ITGA9: variants seen among roughly 807,000 people sequenced by gnomAD.
ITGA9 encodes the protein integrin alpha-9.
In ITGA9, 56 loss-of-function variants were observed where a neutral mutation model predicts 127.8. That is an observed-to-expected ratio of 0.44 (90% CI 0.35 to 0.55). The LOEUF (loss-of-function observed/expected upper bound fraction) is 0.55, where lower values mean the gene tolerates loss of function less well. Among genes scored for constraint, ITGA9 ranks in the 20% least tolerant of loss-of-function variants. ITGA9 has a pLI of 0.00. For missense variants in ITGA9, 1,196 were observed against 1,347.1 expected, an observed-to-expected ratio of 0.89 and a Z score of 1.76; for synonymous variants, 508 against 514.5, an observed-to-expected ratio of 0.99 and a Z score of 0.17.
chr3:37,484,724 C>T (rs750955916), intron 4 of ITGA9, among the ~76,000 whole-genome samples: 5 of 152,068 alleles, frequency 3.3e-5, no homozygotes, highest in Non-Finnish European at 7.4e-5. Flanking sequence ...CACAGACTGC[C>T]GGAGTTCAAG....
Position 37,692,123 on chromosome 3 carries a change from C to T in ITGA9, c.2067+8108C>T, listed in dbSNP as rs374563369. On this transcript the variant is annotated intron_variant, in intron 18 of 27. Coordinates refer to ENST00000264741, the MANE Select transcript of ITGA9 (RefSeq NM_002207.3). Reference sequence around the variant, plus strand: ...CTTTCTCTATAAAGTGGGATTGTGCCAAGGATTAAATGAGTCCTACACCAT... The same window carrying T: ...CTTTCTCTATAAAGTGGGATTGTGCTAAGGATTAAATGAGTCCTACACCAT... Among the ~76,000 whole-genome samples the T allele has an allele frequency of 9.2e-5, 14 of 152,086 alleles. No individual in the cohort carries two copies. In the East Asian group the frequency reaches 2.3e-3, roughly 25 times the overall value.
chr3:37,653,706 T>C lies in ITGA9; in HGVS notation c.1840-8T>C, dbSNP rs1418775076. 4 of 1,610,332 alleles carry C rather than the reference T, an allele frequency of 2.5e-6. No homozygotes were observed. The South Asian group carries it at 4.4e-5, about 18-fold the overall frequency. ...TGCCCTAACCTTCCTCTCCTGTCTT[T>C]CTCACAGACTGTTTTTGAAAGGAAT... On this transcript the variant is annotated splice_region_variant and splice_polypyrimidine_tract_variant and intron_variant, in intron 16 of 27. Transcript: ENST00000264741.
chr3:37,676,548 G>A lies in ITGA9; in HGVS notation c.1917-7317G>A, dbSNP rs112478450. Among the ~76,000 whole-genome samples the A allele has an allele frequency of 2.0e-3, 298 of 152,296 alleles. 2 individuals carry two copies. Among genetic ancestry groups the A allele is most frequent in the African/African-American group, 6.9e-3 (287 of 41,554 alleles). On this transcript the variant is annotated intron_variant, in intron 17 of 27. Coordinates refer to ENST00000264741, the MANE Select transcript of ITGA9 (RefSeq NM_002207.3). The stretch of plus-strand genomic sequence containing the variant: ...AAAAAGCCCTCTGACAAAGAGATGG[G>A]GATACTGACTAGATAGAACTGCAGT...
At chr3:37,759,557 A>G (rs1195258669) in intron 23 of ITGA9, among the ~76,000 whole-genome samples, 1 of 152,230 alleles carries the variant, frequency 6.6e-6, no homozygotes, top group African/African-American at 2.4e-5. Flanking sequence ...AAATAAATGA[A>G]TAATAAAATA....
intron 9 of ITGA9, 110 bp downstream of exon 9, chr3:37,514,010 A>G (rs868814393): frequency 1.5e-6 from 2 of 1,294,978 alleles, no homozygotes. Flanking sequence ...TGTTACCCAG[A>G]GGAGATGAAA....
intron 26 of ITGA9, among the ~76,000 whole-genome samples, chr3:37,793,580 G>C (rs1331941165): frequency 6.6e-6 from 1 of 152,048 alleles, no homozygotes; most frequent in Non-Finnish European, 1.5e-5. Context: ...GGAAGATCAG[G>C]CATTCAAGAT....
At position 37,741,795 on chromosome 3, in the gene ITGA9, A is replaced by G. The variant is rs759473387; in HGVS notation, c.2300A>G (p.His767Arg). ...CTCGTGCTGATGGTGCCACTGATGC[A>G]CGAGGTGGACACGTCCATCACCGGG... ...NTLVLMVPLM[H>R]EVDTSITGIM... is the part of the protein sequence containing the mutation. Residue 767 changes from histidine (H) to arginine (R), a missense_variant, in exon 21 of 28, where the codon CAC (histidine) becomes CGC (arginine). Coordinates refer to ENST00000264741, the MANE Select transcript of ITGA9 (RefSeq NM_002207.3). 1 of 1,613,700 alleles carries G rather than the reference A, an allele frequency of 6.2e-7. No homozygotes were observed. The highest frequency in any genetic ancestry group is 8.5e-7 in the Non-Finnish European group (1 of 1,179,830).
intron 25 of ITGA9, among the ~76,000 whole-genome samples, chr3:37,784,283 G>A (rs572175529): frequency 2.0e-4 from 30 of 152,152 alleles, no homozygotes; most frequent in Admixed American, 3.3e-4. Flanking sequence ...CTGTTTTGGC[G>A]CCATTTTCTG....
chr3:37,612,045 G>A (rs1384298377), intron 15 of ITGA9, among the ~76,000 whole-genome samples: 4 of 152,054 alleles, frequency 2.6e-5, no homozygotes, highest in Admixed American at 1.3e-4. Context: ...GTCATAAAAT[G>A]TAATGGATGA....
At chr3:37,556,838 C>T (rs1699435844) in intron 15 of ITGA9, among the ~76,000 whole-genome samples, 1 of 152,218 alleles carries the variant, frequency 6.6e-6, no homozygotes, top group African/African-American at 2.4e-5. Context: ...AGCGAGTGCT[C>T]CTCATCAACA....
chr3:37,522,603 G>T (rs560947509), intron 11 of ITGA9, among the ~76,000 whole-genome samples: 1 of 152,106 alleles, frequency 6.6e-6, no homozygotes, highest in Admixed American at 6.5e-5. Context: ...CATGCCTATA[G>T]TCCCAGCTAC....
At chr3:37,454,700 C>G (rs539230175) in intron 1 of ITGA9, among the ~76,000 whole-genome samples, 62 of 152,332 alleles carry the variant, frequency 4.1e-4, no homozygotes, top group Admixed American at 1.4e-3. Flanking sequence ...CTCCCTCACC[C>G]ACCATATTGA....
chr3:37,697,784 T>C (rs1700901123), intron 18 of ITGA9, among the ~76,000 whole-genome samples: 1 of 152,214 alleles, frequency 6.6e-6, no homozygotes, highest in Non-Finnish European at 1.5e-5. Flanking sequence ...GAAATAGTGC[T>C]GCAATAAACA....
chr3:37,485,561 G>T lies in ITGA9; in HGVS notation c.544+3954G>T, dbSNP rs1360304699. Among the ~76,000 whole-genome samples, 4 of 152,136 alleles carry T rather than the reference G, an allele frequency of 2.6e-5. No homozygotes were observed. The East Asian group carries it at 7.7e-4, about 29-fold the overall frequency. ...AAAGTGCTCAGCAAGGCCACCCATT[G>T]TTCTATAACTGTGGCCTCATGGTAA... On this transcript the variant is annotated intron_variant, in intron 4 of 27. Transcript: ENST00000264741.
chr3:37,653,313 G>C (rs1700446211), intron 16 of ITGA9, among the ~76,000 whole-genome samples: 1 of 152,162 alleles, frequency 6.6e-6, no homozygotes, highest in Non-Finnish European at 1.5e-5. Flanking sequence ...GAGCAAATAG[G>C]GGGAAATGAC....
chr3:37,610,313 A>G (rs560682889), intron 15 of ITGA9, among the ~76,000 whole-genome samples: 6 of 152,336 alleles, frequency 3.9e-5, no homozygotes, highest in Non-Finnish European at 8.8e-5. Context: ...ATTAAAACTC[A>G]TAGTTCATGT....
intron 11 of ITGA9, among the ~76,000 whole-genome samples, 165 bp from the exon 12 acceptor site, chr3:37,523,356 C>G (rs1699062781): frequency 6.6e-6 from 1 of 151,906 alleles, no homozygotes; most frequent in Non-Finnish European, 1.5e-5. Flanking sequence ...GTGTGGCCTT[C>G]AACTGCCTGC....
chr3:37,716,420 G>A lies in ITGA9; in HGVS notation c.2068-16292G>A, dbSNP rs146462936. ...ATTTTCAAAGGGAGAAAAAGAATGA[G>A]CAAAACTATCCTGTAGAGGAGAGAG... On this transcript the variant is annotated intron_variant, in intron 18 of 27. Coordinates refer to ENST00000264741, the MANE Select transcript of ITGA9 (RefSeq NM_002207.3). Among the ~76,000 whole-genome samples, 21 of 151,788 alleles carry A rather than the reference G, an allele frequency of 1.4e-4. No homozygotes were observed. In the East Asian group the frequency reaches 2.5e-3, roughly 18 times the overall value.
chr3:37,726,511 C>G (rs926138423), intron 18 of ITGA9, among the ~76,000 whole-genome samples: 1 of 152,192 alleles, frequency 6.6e-6, no homozygotes, highest in Non-Finnish European at 1.5e-5. Context: ...GGAAGGAGCC[C>G]GAAGGCCAAA....
Sources: gnomAD v4.1 joint callset for allele counts (sites outside exome capture counted in the v4.1 genomes callset) on GRCh38, gnomAD v4.1.1 for gene constraint, MANE v1.5 for transcripts, NCBI Gene and HGNC (gene_info 2026-07-23, HGNC 2026-07-21) for gene names.